Variants in TASP1 observed in about 807,000 individuals in gnomAD.
TASP1 encodes threonine aspartase 1.
A neutral mutation model predicts 56.6 loss-of-function variants in TASP1; 16 were observed. That is an observed-to-expected ratio of 0.28 (90% CI 0.19 to 0.43). TASP1 has a LOEUF of 0.43. Ranked by LOEUF, TASP1 falls within the 20% of genes least tolerant of loss-of-function variation. The pLI is 1.00. For synonymous variants in TASP1, 179 were observed against 184.2 expected, an observed-to-expected ratio of 0.97 and a Z score of 0.23; for missense variants, 393 against 511.6, an observed-to-expected ratio of 0.77 and a Z score of 2.24.
At chr20:13,478,362 C>CAT (rs2043017227) in intron 11 of TASP1, among the ~76,000 whole-genome samples, 1 of 148,210 alleles carries the variant, frequency 6.7e-6, no homozygotes, top group Non-Finnish European at 1.5e-5. Flanking sequence ...CACACACACA[C>CAT]ACACACACAC....
the TASP1 span, among the ~76,000 whole-genome samples, chr20:13,228,743 T>A: frequency 6.6e-6 from 1 of 152,226 alleles, no homozygotes; most frequent in Non-Finnish European, 1.5e-5. Flanking sequence ...CCAATATCCC[T>A]GTACTCTTTT....
chr20:13,362,001 T>A, the TASP1 span, among the ~76,000 whole-genome samples: 1 of 150,230 alleles, frequency 6.7e-6, no homozygotes, highest in Non-Finnish European at 1.5e-5. Flanking sequence ...CCATCACCAA[T>A]CATTCTATAC....
the TASP1 span, among the ~76,000 whole-genome samples, chr20:13,360,266 C>A: frequency 6.7e-6 from 1 of 149,402 alleles, no homozygotes; most frequent in Non-Finnish European, 1.5e-5. Context: ...CTTGGACTGA[C>A]CCTGACACCC....
the TASP1 span, among the ~76,000 whole-genome samples, chr20:13,248,329 T>C: frequency 1.3e-5 from 2 of 152,208 alleles, no homozygotes. Context: ...ATTGCTGGTG[T>C]GTGAACTGTC....
chr20:13,255,619 C>G, the TASP1 span, among the ~76,000 whole-genome samples: 5 of 152,104 alleles, frequency 3.3e-5, no homozygotes, highest in Admixed American at 6.6e-5. Flanking sequence ...GTAGAGTAGA[C>G]AGAAAGAAGT....
chr20:13,250,067 C>G, the TASP1 span, among the ~76,000 whole-genome samples: 1 of 152,142 alleles, frequency 6.6e-6, no homozygotes, highest in Non-Finnish European at 1.5e-5. Context: ...AAGGGAAGAG[C>G]TATCATGCAT....
intron 7 of TASP1, among the ~76,000 whole-genome samples, chr20:13,568,078 TAC>T (rs1322209830): frequency 6.6e-6 from 1 of 152,224 alleles, no homozygotes; most frequent in Non-Finnish European, 1.5e-5. Context: ...GCCCTACTGC[TAC>T]ACACACATTT....
the TASP1 span, among the ~76,000 whole-genome samples, chr20:13,306,564 C>CAAAAAAAAAAAAAAAAAAAAAAGGAA: frequency 1.6e-5 from 1 of 63,914 alleles, no homozygotes; most frequent in African/African-American, 7.2e-5. Context: ...GGAGAAAGGA[C>CAAAAAAAAAAAAAAAAAAAAAAGGAA]AAAAAAAAAA....
chr20:13,129,869 A>G, the TASP1 span, among the ~76,000 whole-genome samples: 1 of 152,238 alleles, frequency 6.6e-6, no homozygotes, highest in Non-Finnish European at 1.5e-5. Flanking sequence ...TTATACCTAA[A>G]GAATTCTTTG....
chr20:13,551,211 T>A (rs2045971828), intron 8 of TASP1, among the ~76,000 whole-genome samples: 2 of 152,172 alleles, frequency 1.3e-5, no homozygotes. Context: ...TTGCAAAATT[T>A]TTTAACTTGT....
rs1421004730 is a variant in TASP1, at chr20:13,389,446, C to T, written c.*914G>A. ...TGAGAAGAGGAGTCACATACTATAC[C>T]CAGTAATACGCTTCTTTTATTTTTG... On this transcript the variant is annotated 3_prime_UTR_variant, in exon 14 of 14. Coordinates refer to ENST00000337743, the MANE Select transcript of TASP1 (RefSeq NM_017714.3). 1 of 152,128 alleles carries T rather than the reference C, an allele frequency of 6.6e-6. No individual in the cohort carries two copies. The highest frequency in any genetic ancestry group is 1.5e-5 in the Non-Finnish European group (1 of 68,012). 9.4% of individuals were successfully genotyped at this position (152,128 alleles called of 1,614,324 possible). A position where few individuals can be genotyped will look rare whatever the true frequency, so the allele number is the denominator to read the frequency against.
intron 11 of TASP1, among the ~76,000 whole-genome samples, chr20:13,448,899 A>T (rs907101545): frequency 6.6e-6 from 1 of 151,924 alleles, no homozygotes; most frequent in East Asian, 1.9e-4. Flanking sequence ...AACAAAAAAA[A>T]CCCTTAGTTC....
chr20:13,371,046 G>C, the TASP1 span, among the ~76,000 whole-genome samples: 1 of 151,984 alleles, frequency 6.6e-6, no homozygotes, highest in South Asian at 2.1e-4. Context: ...TTAGGCATTT[G>C]AGTCTTCTCT....
chr20:13,623,360 G>A (rs1488908307), intron 4 of TASP1, 86 bp downstream of exon 4: 1 of 1,126,144 alleles, frequency 8.9e-7, no homozygotes, highest in African/African-American at 1.5e-5. Flanking sequence ...ATAATTTATG[G>A]TTGACTAACT....
chr20:13,499,256 C>T (rs1407229407), intron 10 of TASP1, among the ~76,000 whole-genome samples: 1 of 151,974 alleles, frequency 6.6e-6, no homozygotes, highest in Admixed American at 6.6e-5. Context: ...GGGAGCTAAA[C>T]ATTGGGTATA....
chr20:13,533,900 T>A (rs2045318649), intron 9 of TASP1, 122 bp downstream of exon 9: 2 of 1,193,412 alleles, frequency 1.7e-6, no homozygotes, highest in Non-Finnish European at 2.4e-6. Flanking sequence ...ATACTACATG[T>A]TAAAAAACAA....
the TASP1 span, among the ~76,000 whole-genome samples, chr20:13,323,072 C>T: frequency 1.2e-4 from 18 of 152,032 alleles, no homozygotes; most frequent in Non-Finnish European, 2.2e-4. Context: ...ACCACCCAGG[C>T]ATTGTGTCAC....
the TASP1 span, among the ~76,000 whole-genome samples, chr20:13,183,957 AG>A: frequency 1.3e-5 from 2 of 150,676 alleles, no homozygotes; most frequent in African/African-American, 4.9e-5. Flanking sequence ...TGAACCCAGG[AG>A]GCAGAGCTTG....
the TASP1 span, among the ~76,000 whole-genome samples, chr20:13,188,919 A>G: frequency 6.6e-6 from 1 of 152,236 alleles, no homozygotes; most frequent in Non-Finnish European, 1.5e-5. Context: ...AATCCCAGCG[A>G]CCATTCTTCA....
Sources: allele counts gnomAD v4.1 joint callset (sites outside exome capture counted in the v4.1 genomes callset), GRCh38; gene constraint gnomAD v4.1.1; transcripts MANE v1.5; gene names NCBI Gene and HGNC (gene_info 2026-07-23, HGNC 2026-07-21).